GTF2I: variants seen among roughly 807,000 people sequenced by gnomAD.
GTF2I encodes the protein general transcription factor II-I.
In GTF2I, 12 loss-of-function variants were observed where a neutral mutation model predicts 67.6. The observed-to-expected ratio is 0.18, with a 90% CI of 0.11 to 0.29. GTF2I has a LOEUF of 0.29. GTF2I is among the 10% of genes least tolerant of loss of function. The pLI is 1.00. For missense variants in GTF2I, 271 were observed against 580.1 expected (o/e 0.47, Z 5.47); for synonymous variants, 149 against 197.0 (o/e 0.76, Z 2.04).
intron 29 of GTF2I, among the ~76,000 whole-genome samples, chr7:74,753,432 G>A (rs782239213): frequency 7.2e-5 from 11 of 152,212 alleles, no homozygotes; most frequent in Non-Finnish European, 1.5e-4. Context: ...AGCACTTTGG[G>A]AGCCCGAGGC....
intron 1 of GTF2I, among the ~76,000 whole-genome samples, chr7:74,683,751 G>A (rs1554394699): frequency 6.6e-6 from 1 of 152,084 alleles, no homozygotes; most frequent in Non-Finnish European, 1.5e-5. Context: ...TACTCGGGAG[G>A]CAGAGGCAGG....
intron 1 of GTF2I, among the ~76,000 whole-genome samples, chr7:74,680,787 C>G (rs1584112989): frequency 6.6e-6 from 1 of 152,078 alleles, no homozygotes; most frequent in East Asian, 1.9e-4. Flanking sequence ...GTATTAACAG[C>G]AAGGAATCAG....
At position 74,660,114 on chromosome 7, in the gene GTF2I, G is replaced by C. The variant is rs1345858346; in HGVS notation, c.-6+2046G>C. 2.0e-5 allele frequency among the ~76,000 whole-genome samples: 3 copies of C among 151,760 alleles called. No individual in the cohort carries two copies. The East Asian group carries it at 5.8e-4, about 29-fold the overall frequency. ...CCTTGAGATCTTGGTCTTTTGGCTG[G>C]AATGACATTTTTCAGCCTATGGAAA... On this transcript the variant is annotated intron_variant, in intron 1 of 34. Transcript: ENST00000573035.
chr7:74,658,729 C>T (rs1232916077), intron 1 of GTF2I, among the ~76,000 whole-genome samples: 3 of 151,396 alleles, frequency 2.0e-5, no homozygotes, highest in Non-Finnish European at 4.4e-5. Context: ...TTGTCCCGGG[C>T]CGGCCCGGCG....
intron 12 of GTF2I, among the ~76,000 whole-genome samples, chr7:74,725,421 T>G (rs1793625692): frequency 6.6e-6 from 1 of 152,064 alleles, no homozygotes; most frequent in African/African-American, 2.4e-5. Context: ...GTGCGGTGGC[T>G]CACACCTATA....
chr7:74,702,227 CTT>C (rs56164443), intron 6 of GTF2I, among the ~76,000 whole-genome samples: 49 of 144,996 alleles, frequency 3.4e-4, no homozygotes, highest in African/African-American at 8.0e-4. Context: ...TTACACTGAA[CTT>C]TTTTTTTTTT....
chr7:74,658,716 G>T (rs1804178781), intron 1 of GTF2I, among the ~76,000 whole-genome samples: 1 of 151,332 alleles, frequency 6.6e-6, no homozygotes, highest in South Asian at 2.1e-4. Flanking sequence ...TCCGCAGTGG[G>T]CTTTGTCCCG....
intron 1 of GTF2I, among the ~76,000 whole-genome samples, chr7:74,672,152 C>A (rs587621621): frequency 6.3e-4 from 96 of 152,088 alleles, no homozygotes; most frequent in African/African-American, 2.2e-3. Flanking sequence ...AAAATGAGTT[C>A]TTTGGCTCTA....
chr7:74,720,983 C>CT lies in GTF2I; in HGVS notation c.943+2045dup, dbSNP rs199999156. Among the ~76,000 whole-genome samples the CT allele has an allele frequency of 5.7e-3, 869 of 152,142 alleles. 10 individuals carry two copies. Among genetic ancestry groups the CT allele is most frequent in the African/African-American group, 0.02 (824 of 41,516 alleles). Reference sequence around the variant, plus strand: ...CTGAAGCTTATGTCAGCCTTTTGAACTTTAACTGTTTTGGATGGAGTAATA... The same window carrying CT: ...CTGAAGCTTATGTCAGCCTTTTGAACTTTTAACTGTTTTGGATGGAGTAATA... On this transcript the variant is annotated intron_variant, in intron 12 of 34. Transcript: ENST00000573035.
chr7:74,695,281 T>C (rs1409687417), intron 3 of GTF2I, among the ~76,000 whole-genome samples: 1 of 152,180 alleles, frequency 6.6e-6, no homozygotes, highest in Non-Finnish European at 1.5e-5. Flanking sequence ...CATAAAGCAA[T>C]GGCAGGGTTT....
chr7:74,681,494 A>G (rs1342095684), intron 1 of GTF2I, among the ~76,000 whole-genome samples: 3 of 152,162 alleles, frequency 2.0e-5, no homozygotes, highest in Admixed American at 6.6e-5. Context: ...CCAGGCTCAC[A>G]TAGCTGTTAT....
intron 3 of GTF2I, among the ~76,000 whole-genome samples, chr7:74,697,471 C>T (rs1373048592): frequency 6.6e-6 from 1 of 152,128 alleles, no homozygotes; most frequent in Non-Finnish European, 1.5e-5. Context: ...GTGTATTGTA[C>T]ACTCATGAAA....
chr7:74,717,108 A>G (rs1379402351), intron 11 of GTF2I, 158 bp downstream of exon 11: 41 of 951,288 alleles, frequency 4.3e-5, no homozygotes, highest in Non-Finnish European at 5.5e-5. Context: ...TAAAAATTCT[A>G]AGATGTAATA....
intron 3 of GTF2I, among the ~76,000 whole-genome samples, chr7:74,695,358 C>T (rs1366475854): frequency 6.6e-6 from 1 of 152,186 alleles, no homozygotes; most frequent in Non-Finnish European, 1.5e-5. Flanking sequence ...TAGCCTCACA[C>T]TACAGAGAGA....
chr7:74,682,356 G>A (rs1295773194), intron 1 of GTF2I, among the ~76,000 whole-genome samples: 1 of 152,180 alleles, frequency 6.6e-6, no homozygotes, highest in Non-Finnish European at 1.5e-5. Context: ...TTGAAAAGTA[G>A]AGAAAATTTG....
chr7:74,695,550 T>G (rs1788804474), intron 3 of GTF2I, among the ~76,000 whole-genome samples: 1 of 152,186 alleles, frequency 6.6e-6, no homozygotes, highest in Admixed American at 6.5e-5. Flanking sequence ...TGGTGATACA[T>G]TCAGCAACTT....
At chr7:74,719,884 C>T (rs1792717735) in intron 12 of GTF2I, among the ~76,000 whole-genome samples, 1 of 152,032 alleles carries the variant, frequency 6.6e-6, no homozygotes, top group African/African-American at 2.4e-5. Context: ...CACGCCATTG[C>T]ACTACAGCCT....
chr7:74,679,847 G>A (rs1382129598), intron 1 of GTF2I, among the ~76,000 whole-genome samples: 4 of 151,884 alleles, frequency 2.6e-5, no homozygotes, highest in South Asian at 2.1e-4. Context: ...TTCGGAGGCC[G>A]AGGCAGGCAG....
At chr7:74,687,412 A>G (rs1554395793) in intron 1 of GTF2I, 1 of 167,636 alleles carries the variant, frequency 6.0e-6, no homozygotes, top group African/African-American at 2.4e-5. Flanking sequence ...TAATAGAGAC[A>G]GGGTTTCACC....
Sources: gnomAD v4.1 joint callset for allele counts (sites outside exome capture counted in the v4.1 genomes callset) on GRCh38, gnomAD v4.1.1 for gene constraint, MANE v1.5 for transcripts, NCBI Gene and HGNC (gene_info 2026-07-23, HGNC 2026-07-21) for gene names.